SHANK2: variants seen among roughly 807,000 people sequenced by gnomAD.
SHANK2 encodes the protein SH3 and multiple ankyrin repeat domains 2, also known as SH3 and multiple ankyrin repeat domains protein 2.
SHANK2 carries 43 observed loss-of-function variants against 133.7 expected under a neutral mutation model. That is an observed-to-expected ratio of 0.32 (90% CI 0.25 to 0.41). The LOEUF (loss-of-function observed/expected upper bound fraction) is 0.41, where lower values mean the gene tolerates loss of function less well. Ranked by LOEUF, SHANK2 falls within the 10% of genes least tolerant of loss-of-function variation. SHANK2 has a pLI of 1.00. For missense variants in SHANK2, 1,994 were observed against 2,235.8 expected, an observed-to-expected ratio of 0.89 and a Z score of 2.18; for synonymous variants, 1,017 against 952.8, an observed-to-expected ratio of 1.07 and a Z score of -1.24.
At chr11:70,893,073 C>T (rs529917590) in intron 11 of SHANK2, among the ~76,000 whole-genome samples, 30 of 152,358 alleles carry the variant, frequency 2.0e-4, no homozygotes, top group African/African-American at 7.0e-4. Flanking sequence ...AATGCCATGT[C>T]GCCTAGGCTC....
intron 11 of SHANK2, among the ~76,000 whole-genome samples, chr11:70,846,085 G>A (rs1555063198): frequency 2.0e-5 from 3 of 152,078 alleles, no homozygotes; most frequent in Non-Finnish European, 2.9e-5. Context: ...GCAGAAAAGC[G>A]AACTGGAGAG....
At chr11:70,770,194 C>G (rs1555042406) in intron 14 of SHANK2, among the ~76,000 whole-genome samples, 2 of 152,184 alleles carry the variant, frequency 1.3e-5, no homozygotes. Flanking sequence ...CTGCTGCCGC[C>G]CACTTGATGT....
rs1386506357 is a variant in SHANK2 at position 70,547,658 on chromosome 11, G to A, written c.2062-44727C>T. Among the ~76,000 whole-genome samples the A allele has an allele frequency of 5.3e-5, 8 of 152,308 alleles. No individual in the cohort carries two copies. The East Asian group carries it at 1.3e-3, about 26-fold the overall frequency. ...GGACAGCGTGTCTGAGTATCAAACA[G>A]CTATTCCTCAGTCTTGAGGAAGGTA... On this transcript the variant is annotated intron_variant, in intron 17 of 25. Transcript: ENST00000601538.
intron 3 of SHANK2, among the ~76,000 whole-genome samples, chr11:71,125,702 G>A (rs1176711301): frequency 2.6e-5 from 4 of 152,238 alleles, no homozygotes; most frequent in Admixed American, 1.3e-4. Context: ...GATCATTGAT[G>A]AAGGCGGCTA....
chr11:70,529,183 A>T lies in SHANK2; in HGVS notation c.2062-26252T>A, dbSNP rs1442552967. Reference sequence around the variant, plus strand: ...CTCATGTGGCACCAGCTCAGGACCCATGTCATGCTAGGAAACCATCATGGC... The same window carrying T: ...CTCATGTGGCACCAGCTCAGGACCCTTGTCATGCTAGGAAACCATCATGGC... On this transcript the variant is annotated intron_variant, in intron 17 of 25. Coordinates refer to ENST00000601538, the MANE Select transcript of SHANK2 (RefSeq NM_012309.5). 2.0e-5 allele frequency among the ~76,000 whole-genome samples: 3 copies of T among 152,150 alleles called. No homozygotes were observed. The East Asian group carries it at 5.8e-4, about 29-fold the overall frequency.
intron 14 of SHANK2, among the ~76,000 whole-genome samples, chr11:70,709,822 C>G (rs1945740930): frequency 6.7e-6 from 1 of 150,330 alleles, no homozygotes; most frequent in Non-Finnish European, 1.5e-5. Context: ...AGCACAGAGG[C>G]TGGGGAGAGA....
intron 3 of SHANK2, among the ~76,000 whole-genome samples, chr11:71,137,344 A>G (rs1468483411): frequency 2.6e-5 from 4 of 151,794 alleles, no homozygotes; most frequent in African/African-American, 4.8e-5. Context: ...AAGAGAGCAA[A>G]TAACAGTGGG....
chr11:70,693,043 G>A (rs1555021430), intron 15 of SHANK2, among the ~76,000 whole-genome samples: 1 of 152,118 alleles, frequency 6.6e-6, no homozygotes, highest in African/African-American at 2.4e-5. Context: ...AGTCCTCCAT[G>A]CTCTTCCTCA....
At chr11:71,134,387 C>A (rs1362029271) in intron 3 of SHANK2, among the ~76,000 whole-genome samples, 1 of 151,768 alleles carries the variant, frequency 6.6e-6, no homozygotes, top group African/African-American at 2.4e-5. Context: ...TAAAATCCAA[C>A]GACTTGCACA....
At chr11:71,230,916 T>A (rs1954731354) in intron 1 of SHANK2, among the ~76,000 whole-genome samples, 1 of 152,180 alleles carries the variant, frequency 6.6e-6, no homozygotes, top group South Asian at 2.1e-4. Context: ...TATACAAAAA[T>A]TAATTCAAAA....
chr11:70,758,518 C>T (rs191859120), intron 14 of SHANK2, among the ~76,000 whole-genome samples: 76 of 152,354 alleles, frequency 5.0e-4, no homozygotes, highest in African/African-American at 1.8e-3. Flanking sequence ...TGGTCCTAAT[C>T]GAGCTGAATA....
At chr11:70,685,508 G>C (rs1945126613) in intron 15 of SHANK2, among the ~76,000 whole-genome samples, 1 of 152,134 alleles carries the variant, frequency 6.6e-6, no homozygotes. Flanking sequence ...GGTTGGCAGG[G>C]CCTGGGAGTG....
chr11:70,641,872 C>T (rs782486808), intron 17 of SHANK2, among the ~76,000 whole-genome samples: 6 of 152,026 alleles, frequency 3.9e-5, no homozygotes, highest in African/African-American at 9.7e-5. Context: ...GGCAGTCCAG[C>T]GGGCAGGCAA....
chr11:70,503,974 A>C (rs894349478), intron 17 of SHANK2, among the ~76,000 whole-genome samples: 2 of 152,184 alleles, frequency 1.3e-5, no homozygotes, highest in Non-Finnish European at 2.9e-5. Flanking sequence ...TGAGCTCCAC[A>C]GGGGGCCTCT....
chr11:70,834,224 A>T (rs1948772099), intron 11 of SHANK2, among the ~76,000 whole-genome samples: 1 of 152,096 alleles, frequency 6.6e-6, no homozygotes, highest in African/African-American at 2.4e-5. Context: ...AACACAAAAT[A>T]CACAGGAGGT....
chr11:71,219,546 A>G (rs1954492852), intron 2 of SHANK2, among the ~76,000 whole-genome samples: 1 of 152,148 alleles, frequency 6.6e-6, no homozygotes, highest in Admixed American at 6.5e-5. Context: ...AACCACAATG[A>G]AATACCACAT....
At chr11:70,568,646 G>GGGGGGGGGGGGCCCC in intron 17 of SHANK2, among the ~76,000 whole-genome samples, 1 of 80,042 alleles carries the variant, frequency 1.2e-5, no homozygotes, top group East Asian at 3.2e-4. Context: ...GCGGATTCCT[G>GGGGGGGGGGGGCCCC]CCCCCCCCGC....
At chr11:71,172,315 CT>C (rs1459583610) in intron 2 of SHANK2, among the ~76,000 whole-genome samples, 2 of 152,112 alleles carry the variant, frequency 1.3e-5, no homozygotes, top group African/African-American at 4.8e-5. Flanking sequence ...ACTTTATTTA[CT>C]TAAAAGAAAC....
chr11:70,760,384 G>A (rs191144991), intron 14 of SHANK2, among the ~76,000 whole-genome samples: 37 of 152,232 alleles, frequency 2.4e-4, no homozygotes, highest in South Asian at 1.9e-3. Flanking sequence ...TTTATAAATC[G>A]TGCAATTCTT....
Sources: allele counts gnomAD v4.1 joint callset (sites outside exome capture counted in the v4.1 genomes callset), GRCh38; gene constraint gnomAD v4.1.1; transcripts MANE v1.5; gene names NCBI Gene and HGNC (gene_info 2026-07-23, HGNC 2026-07-21).